The following TG variants were observed in gnomAD, a reference collection of about 807,000 sequenced individuals.
The protein encoded by TG is thyroglobulin, also known as thyroid hormones.
TG carries 270 observed loss-of-function variants against 324.7 expected under a neutral mutation model. That is an observed-to-expected ratio of 0.83 (90% confidence interval 0.75 to 0.92). TG has a LOEUF of 0.92. TG is among the 40% of genes least tolerant of loss of function. TG has a pLI of 0.00. For synonymous variants in TG, 1,401 were observed against 1,327.0 expected, an observed-to-expected ratio of 1.06 and a Z score of -1.21; for missense variants, 3,591 against 3,456.4, an observed-to-expected ratio of 1.04 and a Z score of -0.98.
Position 133,012,991 on chromosome 8 carries a change from A to G in TG, c.6398-609A>G, listed in dbSNP as rs148256905. Reference sequence around the variant, plus strand: ...TATGGTGCCAGCTGAGGAGGCATTGAAGAACAGGAGAGGAAGACAGGGCTG... The same window carrying G: ...TATGGTGCCAGCTGAGGAGGCATTGGAGAACAGGAGAGGAAGACAGGGCTG... On this transcript the variant is annotated intron_variant, in intron 36 of 47. Coordinates refer to ENST00000220616, the MANE Select transcript of TG (RefSeq NM_003235.5). Among the ~76,000 whole-genome samples, 880 of 152,348 alleles carry G rather than the reference A, an allele frequency of 5.8e-3. 2 individuals are homozygous for G. Among genetic ancestry groups the G allele is most frequent in the Middle Eastern group, 0.02 (6 of 294 alleles).
At chr8:133,029,742 C>T in intron 40 of TG, 79 bp from the exon 41 acceptor site, 1 of 1,581,922 alleles carries the variant, frequency 6.3e-7, no homozygotes, top group Non-Finnish European at 8.7e-7. Flanking sequence ...GCATATATGC[C>T]TGCCATAGAC....
At chr8:133,048,675 T>C (rs1256603224) in intron 41 of TG, 1 of 158,682 alleles carries the variant, frequency 6.3e-6, no homozygotes, top group African/African-American at 2.4e-5. Flanking sequence ...CATTGATGCA[T>C]GCTTGCTAGT....
rs1327935558 is a variant in TG at position 132,989,108 on chromosome 8, C to T, written c.6262+5696C>T. 3.3e-5 allele frequency among the ~76,000 whole-genome samples: 5 copies of T among 152,124 alleles called. No individual in the cohort carries two copies. In the East Asian group the frequency reaches 5.8e-4, roughly 18 times the overall value. On this transcript the variant is annotated intron_variant, in intron 35 of 47. Transcript: ENST00000220616. ...CAGGCAAAATGCCATTTTTAAAAGC[C>T]GTCAGATGTCCTGAGACTTATTCAC...
rs1276748117 is a variant in TG, at chr8:132,901,546, C to A, written c.3627C>A (p.Ala1209=). 4 of 1,612,880 alleles carry A rather than the reference C, an allele frequency of 2.5e-6. No individual in the cohort carries two copies. Among genetic ancestry groups the A allele is most frequent in the Non-Finnish European group, 3.4e-6 (4 of 1,179,836 alleles). ...CGCGCGTGACCGGGGGCCAGCCCGC[C>A]TGTGAGAGTAAGTCATGACCCCCTG... The part of the protein sequence containing the change: ...PGTRVTGGQP[A]CESPRCPLPF... The change falls in exon 16 of 48, where the codon GCC becomes GCA. Residue 1209 remains alanine, a synonymous_variant. Transcript: ENST00000220616.
rs1371933604 is a variant in TG at position 132,894,295 on chromosome 8, C to T, written c.3001+366C>T. Among the ~76,000 whole-genome samples, 5 of 152,130 alleles carry T rather than the reference C, an allele frequency of 3.3e-5. 1 individual carries two copies. Among genetic ancestry groups the T allele is most frequent in the Admixed American group, 3.3e-4 (5 of 15,268 alleles). ...TTTCCAGGGATTCAGGAACACCACA[C>T]AGCAGGAGGGGAGAGGAAGCCTCGA... is the stretch of plus-strand genomic sequence containing the variant. On this transcript the variant is annotated intron_variant, in intron 11 of 47. Transcript: ENST00000220616.
chr8:133,006,235 A>T (rs1055163643), intron 35 of TG, among the ~76,000 whole-genome samples: 6 of 152,242 alleles, frequency 3.9e-5, no homozygotes, highest in Non-Finnish European at 8.8e-5. Flanking sequence ...TCACTAGCCT[A>T]AGCTGTGTCT....
intron 43 of TG, among the ~76,000 whole-genome samples, chr8:133,099,666 A>G (rs989101982): frequency 1.3e-5 from 2 of 152,168 alleles, no homozygotes; most frequent in African/African-American, 4.8e-5. Flanking sequence ...AGTCTTCACC[A>G]TCTCAGTAAA....
intron 41 of TG, among the ~76,000 whole-genome samples, chr8:133,091,446 G>T (rs1329819146): frequency 6.6e-6 from 1 of 152,162 alleles, no homozygotes; most frequent in African/African-American, 2.4e-5. Flanking sequence ...CCTCCTGCTT[G>T]TCCGGGTAGC....
intron 35 of TG, among the ~76,000 whole-genome samples, chr8:132,985,868 G>A (rs1831455615): frequency 6.6e-6 from 1 of 152,034 alleles, no homozygotes; most frequent in Admixed American, 6.6e-5. Context: ...TCTGCTCCTT[G>A]CGTTTCCTTT....
chr8:132,970,420 A>G (rs1192464695), intron 32 of TG, among the ~76,000 whole-genome samples: 1 of 152,072 alleles, frequency 6.6e-6, no homozygotes, highest in Non-Finnish European at 1.5e-5. Context: ...CCTATTTCAA[A>G]CCTGCTGAAT....
At chr8:132,976,365 A>G (rs1414279978) in intron 34 of TG, among the ~76,000 whole-genome samples, 2 of 152,236 alleles carry the variant, frequency 1.3e-5, no homozygotes, top group Non-Finnish European at 2.9e-5. Flanking sequence ...CCATTTTATA[A>G]TGGCATTAGT....
At chr8:132,917,339 G>A (rs1285565737) in intron 20 of TG, among the ~76,000 whole-genome samples, 3 of 152,052 alleles carry the variant, frequency 2.0e-5, no homozygotes, top group East Asian at 1.9e-4. Flanking sequence ...AGGAGGAATC[G>A]TTGCTCAGAC....
intron 27 of TG, among the ~76,000 whole-genome samples, chr8:132,958,357 GTCTA>G (rs34949600): frequency 0.19 from 28,532 of 151,194 alleles, 2,950 homozygotes; most frequent in Non-Finnish European, 0.24. Context: ...CTATCTATCT[GTCTA>G]TCTATCTATC....
rs370350049 is a variant in TG at position 132,873,206 on chromosome 8, T to G, written c.623T>G (p.Val208Gly). The change falls in exon 5 of 48, where the codon GTC (valine) becomes GGC (glycine). Residue 208 changes from valine (V) to glycine (G), a missense_variant. Physicochemically the swap from Val to Gly is moderately radical, Grantham distance 109 (BLOSUM62 -3). Coordinates refer to ENST00000220616, the MANE Select transcript of TG (RefSeq NM_003235.5). ...ACAGACATGATGATTTTTGATCTGGTCCACAGCTACAACAGGTAAGGGGAG... is the reference window on the plus strand; with the variant it reads ...ACAGACATGATGATTTTTGATCTGGGCCACAGCTACAACAGGTAAGGGGAG... ...NTTDMMIFDL[V>G]HSYNRFPDAF... 3.7e-6 allele frequency: 6 copies of G among 1,614,120 alleles called. No individual in the cohort carries two copies. In the African/African-American group the frequency reaches 8.0e-5, roughly 22 times the overall value.
chr8:133,102,892 G>T, intron 43 of TG: 1 of 332,936 alleles, frequency 3.0e-6, no homozygotes, highest in South Asian at 2.8e-5. Context: ...CAGGTGGAGT[G>T]GGGGCCCTGT....
chr8:133,048,947 G>T (rs985425178), intron 41 of TG: 9 of 317,508 alleles, frequency 2.8e-5, no homozygotes, highest in Non-Finnish European at 5.1e-5. Flanking sequence ...TGGACATGAA[G>T]AAGTAACTTA....
chr8:133,049,731 TAA>T, intron 41 of TG: 1 of 613,234 alleles, frequency 1.6e-6, no homozygotes, highest in Non-Finnish European at 2.9e-6. Flanking sequence ...GCAGAAGAGA[TAA>T]GTTAGCCCAA....
In TG at chr8:132,886,791, A is replaced by G. The variant is rs758515817; in HGVS notation, c.1419A>G (p.Gly473=). Residue 473 remains glycine (G), a synonymous_variant, in exon 9 of 48, where the codon GGA becomes GGG. Transcript: ENST00000220616. ...AGAGACTCCAGCAAAACCTTTTTGG[A>G]GGGAAATTTTTGGTGAATGTTGGCC... ...NPKRLQQNLF[G]GKFLVNVGQF... 1.1e-5 allele frequency: 18 copies of G among 1,614,026 alleles called. No homozygotes were observed. In the South Asian group the frequency reaches 1.8e-4, roughly 16 times the overall value.
At chr8:133,039,854 A>G in intron 41 of TG, 2 of 1,403,612 alleles carry the variant, frequency 1.4e-6, no homozygotes, top group Non-Finnish European at 9.5e-7. Context: ...GGGGGTGCTC[A>G]CCCCCCAGTT....
Sources: allele counts gnomAD v4.1 joint callset (sites outside exome capture counted in the v4.1 genomes callset), GRCh38; gene constraint gnomAD v4.1.1; transcripts MANE v1.5; gene names NCBI Gene and HGNC (gene_info 2026-07-23, HGNC 2026-07-21).